The following PTPRD variants were observed in gnomAD, a reference collection of about 807,000 sequenced individuals.
PTPRD encodes the protein receptor-type tyrosine-protein phosphatase delta.
Under a neutral mutation model 214.5 loss-of-function variants are expected in PTPRD, and 34 were observed. The ratio of observed to expected loss-of-function variants is 0.16; its 90% CI spans 0.12 to 0.21. The LOEUF (loss-of-function observed/expected upper bound fraction) is 0.21. Among genes scored for constraint, PTPRD ranks in the 10% least tolerant of loss-of-function variants. The pLI is 1.00. For synonymous variants in PTPRD, 1,128 were observed against 845.7 expected, an observed-to-expected ratio of 1.33 and a Z score of -5.79; for missense variants, 2,545 against 2,398.7, an observed-to-expected ratio of 1.06 and a Z score of -1.27.
intron 9 of PTPRD, among the ~76,000 whole-genome samples, chr9:9,346,885 G>T (rs746144092): frequency 6.6e-6 from 1 of 151,956 alleles, no homozygotes; most frequent in Non-Finnish European, 1.5e-5. Context: ...TGGAGATAGG[G>T]TTTCACCATG....
intron 5 of PTPRD, among the ~76,000 whole-genome samples, chr9:9,823,103 T>A (rs2051365997): frequency 6.6e-6 from 1 of 152,058 alleles, no homozygotes; most frequent in African/African-American, 2.4e-5. Context: ...AAAGAAAATG[T>A]GGTACATATA....
chr9:8,920,674 G>A (rs1404255296), intron 11 of PTPRD, among the ~76,000 whole-genome samples: 3 of 152,196 alleles, frequency 2.0e-5, no homozygotes, highest in Non-Finnish European at 4.4e-5. Context: ...CTAGACCAAT[G>A]GGCTGCGGCC....
At chr9:9,513,428 G>A (rs1457145190) in intron 8 of PTPRD, among the ~76,000 whole-genome samples, 1 of 151,748 alleles carries the variant, frequency 6.6e-6, no homozygotes, top group African/African-American at 2.4e-5. Context: ...TTACTCATGT[G>A]TATTTAACAA....
At chr9:8,390,668 G>A (rs1222931120) in intron 36 of PTPRD, among the ~76,000 whole-genome samples, 3 of 152,126 alleles carry the variant, frequency 2.0e-5, no homozygotes, top group Non-Finnish European at 2.9e-5. Flanking sequence ...GTAATTTAAT[G>A]TAGATATTGT....
intron 8 of PTPRD, among the ~76,000 whole-genome samples, chr9:9,545,025 G>A (rs2078453299): frequency 6.6e-6 from 1 of 151,588 alleles, no homozygotes; most frequent in Admixed American, 6.6e-5. Context: ...AAATTGAGAG[G>A]AAAGTATAGA....
At chr9:9,393,144 A>G (rs1368689814) in intron 9 of PTPRD, among the ~76,000 whole-genome samples, 1 of 152,172 alleles carries the variant, frequency 6.6e-6, no homozygotes, top group African/African-American at 2.4e-5. Context: ...TTTCCTGGCC[A>G]TGTGACAAGA....
chr9:9,131,272 A>G (rs1204018246), intron 10 of PTPRD, among the ~76,000 whole-genome samples: 2 of 152,182 alleles, frequency 1.3e-5, no homozygotes, highest in African/African-American at 2.4e-5. Context: ...AGATTTTAGT[A>G]TGAAAACTTT....
chr9:9,799,126 A>C (rs1598178772), intron 5 of PTPRD, among the ~76,000 whole-genome samples: 2 of 152,324 alleles, frequency 1.3e-5, no homozygotes, highest in East Asian at 3.9e-4. Flanking sequence ...GGTTCCCTCC[A>C]ATTTATATAT....
At chr9:9,451,904 A>G (rs937269273) in intron 8 of PTPRD, among the ~76,000 whole-genome samples, 5 of 151,560 alleles carry the variant, frequency 3.3e-5, no homozygotes, top group African/African-American at 1.2e-4. Context: ...GAGGAGATGA[A>G]TAGTTTGAAA....
chr9:9,052,120 C>T (rs549405079), intron 10 of PTPRD, among the ~76,000 whole-genome samples: 162 of 152,238 alleles, frequency 1.1e-3, no homozygotes, highest in African/African-American at 3.3e-3. Flanking sequence ...TTGTTACAGC[C>T]GCCTTCCTGG....
intron 14 of PTPRD, among the ~76,000 whole-genome samples, chr9:8,614,664 A>G (rs977207456): frequency 9.2e-5 from 14 of 152,176 alleles, no homozygotes; most frequent in Admixed American, 3.3e-4. Context: ...AAGAGGGCAT[A>G]TAAGGGATCT....
rs145579718 is a variant in PTPRD at position 8,388,911 on chromosome 9, T to C, written c.4386+321A>G. ...CCAAAGCCCGTAGGTTCTTGTTCAA[T>C]GGTGTTTTTGAAAGAGGTTCAAGCA... On this transcript the variant is annotated intron_variant, in intron 37 of 45. Coordinates refer to ENST00000381196, the MANE Select transcript of PTPRD (RefSeq NM_002839.4). Among the ~76,000 whole-genome samples, 142 of 152,166 alleles carry C rather than the reference T, an allele frequency of 9.3e-4. 1 individual carries two copies. In the East Asian group the frequency reaches 0.025, roughly 27 times the overall value.
At chr9:8,452,060 A>G (rs1459874681) in intron 33 of PTPRD, among the ~76,000 whole-genome samples, 1 of 152,236 alleles carries the variant, frequency 6.6e-6, no homozygotes. Context: ...TGAGTCTCAG[A>G]AAACTCAAGA....
intron 9 of PTPRD, among the ~76,000 whole-genome samples, chr9:9,318,440 C>G (rs1964591065): frequency 6.6e-6 from 1 of 151,994 alleles, no homozygotes; most frequent in Non-Finnish European, 1.5e-5. Context: ...AAGAAATGAT[C>G]ATAGTTTGAA....
At chr9:9,106,894 T>C (rs1338299625) in intron 10 of PTPRD, among the ~76,000 whole-genome samples, 3 of 152,194 alleles carry the variant, frequency 2.0e-5, no homozygotes. Context: ...AATGTCTGTA[T>C]GTGTTTGTGA....
chr9:8,606,502 T>C (rs1014991051), intron 14 of PTPRD, among the ~76,000 whole-genome samples: 8 of 152,138 alleles, frequency 5.3e-5, no homozygotes, highest in Non-Finnish European at 8.8e-5. Flanking sequence ...ATATGATGTA[T>C]AAAAGAGATG....
chr9:10,430,757 T>C (rs1286967876), intron 2 of PTPRD, among the ~76,000 whole-genome samples: 1 of 151,972 alleles, frequency 6.6e-6, no homozygotes, highest in African/African-American at 2.4e-5. Context: ...AAAAAGATTG[T>C]TATGTTTTAG....
intron 24 of PTPRD, among the ~76,000 whole-genome samples, chr9:8,500,256 T>C (rs1021492353): frequency 1.3e-5 from 2 of 151,928 alleles, no homozygotes; most frequent in Non-Finnish European, 1.5e-5. Flanking sequence ...ATAAAAAGAT[T>C]CTTGATTATA....
intron 2 of PTPRD, among the ~76,000 whole-genome samples, chr9:10,566,106 C>T (rs911820401): frequency 3.9e-5 from 6 of 151,902 alleles, no homozygotes; most frequent in Admixed American, 6.6e-5. Context: ...TTGGGAGTCA[C>T]GGTAATTTGA....
Sources: gnomAD v4.1 joint callset for allele counts (sites outside exome capture counted in the v4.1 genomes callset) on GRCh38, gnomAD v4.1.1 for gene constraint, MANE v1.5 for transcripts, NCBI Gene and HGNC (gene_info 2026-07-23, HGNC 2026-07-21) for gene names.